The following EIPR1 variants were observed in gnomAD, a reference collection of about 807,000 sequenced individuals.
EIPR1 encodes EARP and GARP complex-interacting protein 1.
In EIPR1, 25 loss-of-function variants were observed where a neutral mutation model predicts 48.1. The observed-to-expected ratio is 0.52, with a 90% CI of 0.38 to 0.73. EIPR1 has a LOEUF of 0.73. Among genes scored for constraint, EIPR1 ranks in the 30% least tolerant of loss-of-function variants. The pLI is 0.00. For synonymous variants in EIPR1, 204 were observed against 201.9 expected (o/e 1.01, Z -0.09); for missense variants, 415 against 506.2 (o/e 0.82, Z 1.73).
At chr2:3,334,549 G>A (rs760535640) in intron 3 of EIPR1, among the ~76,000 whole-genome samples, 7 of 152,250 alleles carry the variant, frequency 4.6e-5, no homozygotes, top group East Asian at 1.9e-4. Flanking sequence ...CCACGGGTGC[G>A]ACCACTGCTG....
At chr2:3,264,026 A>G (rs1354108997) in intron 3 of EIPR1, among the ~76,000 whole-genome samples, 5 of 152,176 alleles carry the variant, frequency 3.3e-5, no homozygotes, top group Admixed American at 3.3e-4. Context: ...ATTGCTAATA[A>G]CTTCAGTTAC....
chr2:3,311,346 T>G (rs1427850989), intron 3 of EIPR1, among the ~76,000 whole-genome samples: 2 of 152,188 alleles, frequency 1.3e-5, no homozygotes, highest in Non-Finnish European at 2.9e-5. Context: ...TCTTTTGAGA[T>G]TCCAGAAATG....
intron 1 of EIPR1, 135 bp downstream of exon 1, chr2:3,377,513 G>T: frequency 8.3e-7 from 1 of 1,203,302 alleles, no homozygotes; most frequent in South Asian, 1.5e-5. Flanking sequence ...TTACTTCTCT[G>T]CAAAATGGGA....
chr2:3,335,631 T>A (rs1274700661), intron 3 of EIPR1, among the ~76,000 whole-genome samples: 2 of 152,146 alleles, frequency 1.3e-5, no homozygotes, highest in African/African-American at 4.8e-5. Flanking sequence ...CCAAATCTCA[T>A]CTCGAATTGT....
chr2:3,351,803 T>G (rs2103371754), intron 2 of EIPR1, among the ~76,000 whole-genome samples: 1 of 152,340 alleles, frequency 6.6e-6, no homozygotes, highest in South Asian at 2.1e-4. Context: ...AATTTGAGGT[T>G]TTGCTTTCTC....
At chr2:3,366,517 A>T (rs62119526) in intron 1 of EIPR1, among the ~76,000 whole-genome samples, 24,584 of 152,082 alleles carry the variant, frequency 0.16, 2,203 homozygotes, top group Non-Finnish European at 0.2. Flanking sequence ...GAATCCGAGG[A>T]CAAAAAAGAA....
rs1297532999 is a variant in EIPR1 at position 3,192,451 on chromosome 2, C to T, written c.952G>A (p.Asp318Asn). The change falls in exon 8 of 9, where the codon GAC becomes AAC. Residue 318 changes from aspartate (D) to asparagine (N), a missense_variant. Asp to Asn is a conservative substitution (Grantham distance 23, BLOSUM62 1). Coordinates refer to ENST00000382125, the MANE Select transcript of EIPR1 (RefSeq NM_003310.5). ...EPFGHLVDDDDISDQEDHRSE... is the reference protein window; with the variant it reads ...EPFGHLVDDDNISDQEDHRSE... The stretch of plus-strand genomic sequence containing the variant: ...CGGTGGTCCTCCTGGTCACTGATGT[C>T]ATCGTCGTCTACCAAGTGGCCGAAG... 1.2e-6 allele frequency: 2 copies of T among 1,612,750 alleles called. No homozygotes were observed. The highest frequency in any genetic ancestry group is 2.7e-5 in the African/African-American group (2 of 74,924).
intron 4 of EIPR1, among the ~76,000 whole-genome samples, chr2:3,246,007 C>A (rs1024810260): frequency 6.6e-6 from 1 of 152,124 alleles, no homozygotes; most frequent in East Asian, 1.9e-4. Context: ...GGGAGGATCA[C>A]GTGAGCCTGG....
chr2:3,266,908 C>T (rs559568551), intron 3 of EIPR1, among the ~76,000 whole-genome samples: 2 of 152,336 alleles, frequency 1.3e-5, no homozygotes, highest in Admixed American at 6.5e-5. Flanking sequence ...TGGCCTCTCT[C>T]GGCTCTTCAC....
chr2:3,362,649 C>CAAA (rs34072545), intron 1 of EIPR1, among the ~76,000 whole-genome samples: 46 of 100,340 alleles, frequency 4.6e-4, no homozygotes, highest in East Asian at 8.5e-4. Flanking sequence ...GACTCTGTCT[C>CAAA]AAAAAAAAAA....
intron 3 of EIPR1, among the ~76,000 whole-genome samples, chr2:3,315,733 TACC>T (rs1348481817): frequency 2.0e-3 from 1 of 492 alleles, no homozygotes; most frequent in Non-Finnish European, 3.1e-3. Context: ...CCACACCCCC[TACC>T]ACCACCATCA....
intron 6 of EIPR1, 127 bp downstream of exon 6, chr2:3,196,752 CAA>C: frequency 7.4e-7 from 1 of 1,355,336 alleles, no homozygotes; most frequent in Non-Finnish European, 9.7e-7. Context: ...TGATTTCCTA[CAA>C]AAACGAGATA....
At chr2:3,362,250 C>T (rs1484827865) in intron 1 of EIPR1, among the ~76,000 whole-genome samples, 5 of 151,876 alleles carry the variant, frequency 3.3e-5, no homozygotes, top group African/African-American at 1.2e-4. Context: ...TTCCCCACAG[C>T]CTGCCCCATT....
At chr2:3,290,541 T>C (rs933558747) in intron 3 of EIPR1, among the ~76,000 whole-genome samples, 4 of 152,172 alleles carry the variant, frequency 2.6e-5, no homozygotes, top group Admixed American at 2.6e-4. Context: ...TTTAGGGATT[T>C]TTCCTTAAAA....
chr2:3,352,122 A>G (rs1670595789), intron 2 of EIPR1, among the ~76,000 whole-genome samples: 1 of 136,526 alleles, frequency 7.3e-6, no homozygotes, highest in Non-Finnish European at 1.6e-5. Flanking sequence ...TGATCAGCAT[A>G]TCCATGCTAC....
chr2:3,219,608 G>A (rs567028416), intron 4 of EIPR1, among the ~76,000 whole-genome samples: 8 of 150,328 alleles, frequency 5.3e-5, no homozygotes, highest in Non-Finnish European at 1.0e-4. Context: ...GTATACTCTA[G>A]AGCATTCACA....
At chr2:3,369,931 T>C (rs1419562307) in intron 1 of EIPR1, among the ~76,000 whole-genome samples, 2 of 152,068 alleles carry the variant, frequency 1.3e-5, no homozygotes, top group Non-Finnish European at 2.9e-5. Flanking sequence ...GCAGACTGCC[T>C]CCTCAAGTGG....
chr2:3,199,067 C>CT lies in EIPR1; in HGVS notation c.517-2051_517-2050insA, dbSNP rs1664915585. ...AGAGTGGCCATTTTAGAGGGCCCCC[C>CT]CCCCGCCCCGGGAATGCATTCTTTT... On this transcript the variant is annotated intron_variant, in intron 5 of 8. Coordinates refer to ENST00000382125, the MANE Select transcript of EIPR1 (RefSeq NM_003310.5). 1.1e-4 allele frequency among the ~76,000 whole-genome samples: 6 copies of CT among 55,384 alleles called. 2 individuals carry two copies. The highest frequency in any genetic ancestry group is 3.1e-4 in the African/African-American group (6 of 19,288). 36.3% of individuals were successfully genotyped at this position (55,384 alleles called of 152,430 possible). A position where few individuals can be genotyped will look rare whatever the true frequency, so the allele number is the denominator to read the frequency against.
intron 3 of EIPR1, among the ~76,000 whole-genome samples, chr2:3,329,361 GC>G (rs1669816188): frequency 6.6e-6 from 1 of 152,098 alleles, no homozygotes; most frequent in African/African-American, 2.4e-5. Flanking sequence ...CGGGATGCCA[GC>G]CTGGGCTTCC....
Sources: gnomAD v4.1 joint callset for allele counts (sites outside exome capture counted in the v4.1 genomes callset) on GRCh38, gnomAD v4.1.1 for gene constraint, MANE v1.5 for transcripts, NCBI Gene and HGNC (gene_info 2026-07-23, HGNC 2026-07-21) for gene names.